ABCG5: variants seen among roughly 807,000 people sequenced by gnomAD.
The protein encoded by ABCG5 is ATP-binding cassette sub-family G member 5.
Under a neutral mutation model 64.5 loss-of-function variants are expected in ABCG5, and 64 were observed. The observed-to-expected ratio is 0.99, with a 90% CI of 0.81 to 1.22. The LOEUF is 1.22. ABCG5 is among the 50% of genes most tolerant of loss of function. The probability of loss-of-function intolerance (pLI) is 0.00; values close to 1 mark genes in which losing one functional copy is unlikely to be tolerated. For missense variants in ABCG5, 908 were observed against 829.5 expected (o/e 1.09, Z -1.16); for synonymous variants, 385 against 326.3 (o/e 1.18, Z -1.94).
intron 4 of ABCG5, 77 bp downstream of exon 4, chr2:43,831,692 C>T: frequency 7.2e-7 from 1 of 1,383,994 alleles, no homozygotes; most frequent in Non-Finnish European, 9.9e-7. Context: ...AATGGGCAAG[C>T]GTAGGCGAAG....
downstream of ABCG5, among the ~76,000 whole-genome samples, chr2:43,808,619 T>G (rs1473611015): frequency 6.6e-6 from 1 of 152,198 alleles, no homozygotes; most frequent in African/African-American, 2.4e-5. Context: ...TAAAATTTAT[T>G]TATGAATTGT....
At chr2:43,815,205 T>C (rs1490254483) in intron 11 of ABCG5, among the ~76,000 whole-genome samples, 1 of 152,246 alleles carries the variant, frequency 6.6e-6, no homozygotes, top group Non-Finnish European at 1.5e-5. Context: ...AAATGAAATA[T>C]GTCTCCTCTC....
chr2:43,839,169 C>CA (rs1160472867), upstream of ABCG5: 1 of 1,533,174 alleles, frequency 6.5e-7, no homozygotes, highest in Non-Finnish European at 8.8e-7. Flanking sequence ...TAGGAGAAAT[C>CA]AAACCTTTCT....
At chr2:43,821,154 G>A (rs188665555) in intron 10 of ABCG5, among the ~76,000 whole-genome samples, 12 of 152,248 alleles carry the variant, frequency 7.9e-5, no homozygotes. Context: ...ACTCTTCAAG[G>A]CCATCTACTT....
At chr2:43,833,431 G>A (rs1440156673) in intron 2 of ABCG5, among the ~76,000 whole-genome samples, 1 of 151,340 alleles carries the variant, frequency 6.6e-6, no homozygotes, top group Non-Finnish European at 1.5e-5. Flanking sequence ...TGCCCAGGCT[G>A]GAGTGCAGTG....
intron 10 of ABCG5, among the ~76,000 whole-genome samples, chr2:43,821,745 T>C (rs946911297): frequency 1.3e-5 from 2 of 152,178 alleles, no homozygotes; most frequent in African/African-American, 4.8e-5. Context: ...ATGACTGATA[T>C]AAACCTCTAC....
At chr2:43,808,860 T>A (rs548029166), downstream of ABCG5, among the ~76,000 whole-genome samples, 1 of 152,242 alleles carries the variant, frequency 6.6e-6, no homozygotes, top group Admixed American at 6.5e-5. Flanking sequence ...TTGTTTCCAG[T>A]TGTGCTGAGA....
At chr2:43,807,557 AG>A (rs1467294570), downstream of ABCG5, among the ~76,000 whole-genome samples, 1 of 151,714 alleles carries the variant, frequency 6.6e-6, no homozygotes, top group Non-Finnish European at 1.5e-5. Context: ...CTCCCATCTC[AG>A]CCTCTCAAGT....
intron 10 of ABCG5, among the ~76,000 whole-genome samples, chr2:43,820,332 C>T (rs540961875): frequency 5.3e-5 from 8 of 152,330 alleles, no homozygotes; most frequent in Admixed American, 1.3e-4. Flanking sequence ...TTCCCTTTCA[C>T]GGCTCCTTCA....
chr2:43,812,875 C>G lies in ABCG5; in HGVS notation c.*241G>C, dbSNP rs1233559775. The stretch of plus-strand genomic sequence containing the variant: ...TGAATATTATTTACATTCTTGGGTC[C>G]GCTCAGTCACAATTTCCAAATAACC... On this transcript the variant is annotated 3_prime_UTR_variant, in exon 13 of 13. Transcript: ENST00000405322. The G allele has an allele frequency of 3.8e-6, 2 of 527,816 alleles. No individual in the cohort carries two copies. The highest frequency in any genetic ancestry group is 6.8e-6 in the Non-Finnish European group (2 of 293,644). The allele number at this position is 527,816 out of a possible 1,614,324, so 32.7% of individuals were successfully genotyped here. A position where few individuals can be genotyped will look rare whatever the true frequency, so the allele number is the denominator to read the frequency against.
chr2:43,822,527 C>CGAGA, intron 10 of ABCG5: 1 of 982,372 alleles, frequency 1.0e-6, no homozygotes, highest in Non-Finnish European at 1.2e-6. Context: ...CCTCTCTTCT[C>CGAGA]TGGCCCAGGC....
At chr2:43,834,449 A>G (rs978384280) in intron 2 of ABCG5, among the ~76,000 whole-genome samples, 16 of 152,258 alleles carry the variant, frequency 1.1e-4, no homozygotes, top group African/African-American at 2.7e-4. Context: ...GTTCTGATCC[A>G]TAGACATTCT....
Position 43,837,792 on chromosome 2 carries a change from C to T in ABCG5, c.265+42G>A, listed in dbSNP as rs201017003. ...TCTGTTTCTTCAATGTGGAGTTTAA[C>T]TCAAGCCAAATCCTTTTTAGAATCC... On this transcript the variant is annotated intron_variant, in intron 2 of 12. Transcript: ENST00000405322. The T allele has an allele frequency of 2.9e-4, 473 of 1,612,088 alleles. 3 individuals are homozygous for T. In the African/African-American group the frequency reaches 5.6e-3, roughly 19 times the overall value.
intron 10 of ABCG5, among the ~76,000 whole-genome samples, chr2:43,820,509 C>T (rs552676616): frequency 7.2e-5 from 11 of 152,314 alleles, no homozygotes; most frequent in African/African-American, 2.4e-4. Flanking sequence ...CCAGCACCCC[C>T]TTCCCTGAAC....
At position 43,832,027 on chromosome 2, in the gene ABCG5, TC is replaced by T. The variant is rs1295866834; in HGVS notation, c.321del (p.Thr108ProfsTer8). 11 of 1,572,432 alleles carry T rather than the reference TC, an allele frequency of 7.0e-6. No individual in the cohort carries two copies. The South Asian group carries it at 1.2e-4, about 17-fold the overall frequency. Reference protein sequence around the residue: ...DAMSGRLGRAGTFLGEVYVNG... With the variant: ...DAMSGRLGRAXTFLGEVYVNG... ...TTCACATACACCTCCCCCAGGAAGG[TC>T]CCCGCGCGCCCCAGCCTCCCGGACA... is the stretch of plus-strand genomic sequence containing the variant. On this transcript the variant is annotated frameshift_variant, in exon 3 of 13. Transcript: ENST00000405322. LOFTEE classifies it high-confidence loss of function.
downstream of ABCG5, chr2:43,809,901 G>A: frequency 7.0e-7 from 1 of 1,420,188 alleles, no homozygotes; most frequent in Non-Finnish European, 9.2e-7. Context: ...TGGATTTCTT[G>A]GACTAGTGCA....
At chr2:43,823,780 G>A (rs760612247) in intron 9 of ABCG5, 133 bp downstream of exon 9, 3 of 1,037,886 alleles carry the variant, frequency 2.9e-6, no homozygotes, top group Non-Finnish European at 4.1e-6. Flanking sequence ...CCTTTCCCCA[G>A]AGAGGGAACC....
At chr2:43,824,476 G>A in intron 7 of ABCG5, 44 bp from the exon 8 acceptor site, 1 of 1,602,180 alleles carries the variant, frequency 6.2e-7, no homozygotes, top group Non-Finnish European at 8.5e-7. Flanking sequence ...GTTTTTAAAT[G>A]CATGTATGTA....
intron 10 of ABCG5, among the ~76,000 whole-genome samples, chr2:43,821,487 C>G (rs181517326): frequency 6.6e-6 from 1 of 152,336 alleles, no homozygotes; most frequent in African/African-American, 2.4e-5. Flanking sequence ...GACACCCTCT[C>G]TGAGCACAGC....
Sources: allele counts gnomAD v4.1 joint callset (sites outside exome capture counted in the v4.1 genomes callset), GRCh38; gene constraint gnomAD v4.1.1; transcripts MANE v1.5; gene names NCBI Gene and HGNC (gene_info 2026-07-23, HGNC 2026-07-21).